Variants in FTCDNL1 observed in about 807,000 individuals in gnomAD.
The protein encoded by FTCDNL1 is formiminotransferase N-terminal subdomain-containing protein.
In FTCDNL1, 11 loss-of-function variants were observed where a neutral mutation model predicts 5.9. The ratio of observed to expected loss-of-function variants is 1.87; its 90% CI spans 1.18 to 3.10. The LOEUF (loss-of-function observed/expected upper bound fraction) is 3.10. Ranked by LOEUF, FTCDNL1 falls within the 30% of genes most tolerant of loss-of-function variation. The pLI, the probability that FTCDNL1 is intolerant of heterozygous loss-of-function variation, is 0.00. For synonymous variants in FTCDNL1, 58 were observed against 24.8 expected (o/e 2.34, Z -3.99); for missense variants, 115 against 65.5 (o/e 1.76, Z -2.61).
At chr2:199,718,512 G>A in the FTCDNL1 span, among the ~76,000 whole-genome samples, 1 of 152,174 alleles carries the variant, frequency 6.6e-6, no homozygotes, top group African/African-American at 2.4e-5. Flanking sequence ...AATTAACATA[G>A]AAGTGGAGAT....
At chr2:199,705,317 G>A in the FTCDNL1 span, among the ~76,000 whole-genome samples, 1 of 152,112 alleles carries the variant, frequency 6.6e-6, no homozygotes, top group Non-Finnish European at 1.5e-5. Flanking sequence ...CCAGAATTTG[G>A]TTATGTTCAG....
At chr2:199,704,174 C>T in the FTCDNL1 span, among the ~76,000 whole-genome samples, 1 of 152,206 alleles carries the variant, frequency 6.6e-6, no homozygotes, top group African/African-American at 2.4e-5. Flanking sequence ...ATAGTTGCTG[C>T]GTCAGTTTGT....
chr2:199,689,164 C>T, the FTCDNL1 span, among the ~76,000 whole-genome samples: 1 of 152,116 alleles, frequency 6.6e-6, no homozygotes, highest in African/African-American at 2.4e-5. Context: ...ATTGATATGA[C>T]AATGTTCAAA....
chr2:199,786,640 C>A (rs1473762901), intron 3 of FTCDNL1, among the ~76,000 whole-genome samples: 9 of 152,150 alleles, frequency 5.9e-5, no homozygotes, highest in African/African-American at 2.2e-4. Context: ...CATACATTTA[C>A]CATATTTCAT....
chr2:199,735,525 T>C, the FTCDNL1 span, among the ~76,000 whole-genome samples: 1 of 152,210 alleles, frequency 6.6e-6, no homozygotes, highest in African/African-American at 2.4e-5. Context: ...TACGGGGTCC[T>C]ATTCCATGCT....
At chr2:199,743,624 T>C in the FTCDNL1 span, among the ~76,000 whole-genome samples, 1 of 151,922 alleles carries the variant, frequency 6.6e-6, no homozygotes, top group Non-Finnish European at 1.5e-5. Flanking sequence ...TGAGACTACA[T>C]GCTGTGTGGA....
At chr2:199,777,281 A>C (rs996475100) in intron 3 of FTCDNL1, among the ~76,000 whole-genome samples, 1 of 152,036 alleles carries the variant, frequency 6.6e-6, no homozygotes, top group Non-Finnish European at 1.5e-5. Flanking sequence ...TGACAGAGCA[A>C]GACTCTGTCT....
chr2:199,775,656 T>C (rs922407675), intron 3 of FTCDNL1, among the ~76,000 whole-genome samples: 1 of 152,184 alleles, frequency 6.6e-6, no homozygotes, highest in Admixed American at 6.5e-5. Flanking sequence ...CTGGGTAATA[T>C]CCACTCATTC....
intron 3 of FTCDNL1, among the ~76,000 whole-genome samples, chr2:199,768,813 A>G (rs181686111): frequency 7.3e-4 from 111 of 152,246 alleles, no homozygotes; most frequent in Non-Finnish European, 1.2e-3. Context: ...TCCCTCTTTA[A>G]CACGTACTTG....
chr2:199,751,904 T>C, the FTCDNL1 span, among the ~76,000 whole-genome samples: 1 of 151,912 alleles, frequency 6.6e-6, no homozygotes, highest in Non-Finnish European at 1.5e-5. Context: ...TGTTTATTAG[T>C]CTTGGGGGGC....
chr2:199,822,489 T>C (rs901039802), intron 3 of FTCDNL1, among the ~76,000 whole-genome samples: 4 of 152,228 alleles, frequency 2.6e-5, no homozygotes, highest in Admixed American at 1.3e-4. Context: ...CTGGCCTTCA[T>C]CTTGATTGCT....
At chr2:199,844,786 T>TATTTG (rs2076684555) in intron 3 of FTCDNL1, among the ~76,000 whole-genome samples, 1 of 152,250 alleles carries the variant, frequency 6.6e-6, no homozygotes, top group South Asian at 2.1e-4. Context: ...GGTCTTATAC[T>TATTTG]ATTTGATTTT....
chr2:199,828,393 T>G (rs937402651), intron 3 of FTCDNL1, among the ~76,000 whole-genome samples: 1 of 152,162 alleles, frequency 6.6e-6, no homozygotes, highest in African/African-American at 2.4e-5. Context: ...TGGAAAACTG[T>G]CTCATCAGTT....
chr2:199,707,028 T>C, the FTCDNL1 span, among the ~76,000 whole-genome samples: 4 of 152,264 alleles, frequency 2.6e-5, no homozygotes, highest in Non-Finnish European at 5.9e-5. Context: ...TCAGATATAC[T>C]ATTTTCATCT....
chr2:199,707,449 A>T, the FTCDNL1 span, among the ~76,000 whole-genome samples: 2 of 152,016 alleles, frequency 1.3e-5, no homozygotes, highest in Admixed American at 6.6e-5. Flanking sequence ...AAGGCATTGG[A>T]TTTATTATCG....
At chr2:199,753,382 G>A in the FTCDNL1 span, among the ~76,000 whole-genome samples, 27 of 152,238 alleles carry the variant, frequency 1.8e-4, no homozygotes, top group Non-Finnish European at 3.1e-4. Flanking sequence ...GCACAGGACA[G>A]GGCCATGCTG....
chr2:199,825,544 G>T (rs114236924), intron 3 of FTCDNL1, among the ~76,000 whole-genome samples: 105 of 152,342 alleles, frequency 6.9e-4, no homozygotes, highest in African/African-American at 2.4e-3. Context: ...CATAGTAGCA[G>T]ATCCTTCATG....
chr2:199,813,912 CAA>C (rs397987315), intron 4 of FTCDNL1, among the ~76,000 whole-genome samples: 104 of 106,304 alleles, frequency 9.8e-4, no homozygotes, highest in African/African-American at 3.6e-3. Context: ...GACTCTGTCT[CAA>C]AAAAAAAAAA....
intron 3 of FTCDNL1, among the ~76,000 whole-genome samples, chr2:199,823,516 G>A (rs1457236438): frequency 6.6e-6 from 1 of 152,214 alleles, no homozygotes; most frequent in Non-Finnish European, 1.5e-5. Context: ...TCCATGGGCT[G>A]CAGAATGGAT....
Sources: allele counts gnomAD v4.1 joint callset (sites outside exome capture counted in the v4.1 genomes callset), GRCh38; gene constraint gnomAD v4.1.1; transcripts MANE v1.5; gene names NCBI Gene and HGNC (gene_info 2026-07-23, HGNC 2026-07-21).